SLC44A1: variants seen among roughly 807,000 people sequenced by gnomAD.
SLC44A1 encodes the protein choline transporter-like protein 1.
SLC44A1 carries 26 observed loss-of-function variants against 79.3 expected under a neutral mutation model. The observed-to-expected ratio is 0.33, with a 90% confidence interval of 0.24 to 0.46. SLC44A1 has a LOEUF of 0.46. Ranked by LOEUF, SLC44A1 falls within the 20% of genes least tolerant of loss-of-function variation. The pLI, the probability that SLC44A1 is intolerant of heterozygous loss-of-function variation, is 1.00. For missense variants in SLC44A1, 688 were observed against 798.1 expected, an observed-to-expected ratio of 0.86 and a Z score of 1.66; for synonymous variants, 263 against 286.2, an observed-to-expected ratio of 0.92 and a Z score of 0.82.
At chr9:105,436,126 C>T (rs576895724) in intron 15 of SLC44A1, among the ~76,000 whole-genome samples, 11 of 152,210 alleles carry the variant, frequency 7.2e-5, no homozygotes, top group South Asian at 6.2e-4. Context: ...GGAACCCAGG[C>T]GGCAGAGGCT....
At position 105,265,248 on chromosome 9, in the gene SLC44A1, C is replaced by T. The variant is rs188352442; in HGVS notation, c.36+20344C>T. On this transcript the variant is annotated intron_variant, in intron 1 of 15. Transcript: ENST00000374720. ...CTTATGGAGCCACCACCACCAGTAGCAAGATACAGAACAGTTCTCACTTCC... is the reference window on the plus strand; with the variant it reads ...CTTATGGAGCCACCACCACCAGTAGTAAGATACAGAACAGTTCTCACTTCC... Among the ~76,000 whole-genome samples the T allele has an allele frequency of 5.3e-3, 802 of 152,340 alleles. 6 individuals are homozygous for T. The highest frequency in any genetic ancestry group is 0.019 in the African/African-American group (776 of 41,570).
chr9:105,246,281 G>A (rs1829445278), intron 1 of SLC44A1, among the ~76,000 whole-genome samples: 1 of 151,968 alleles, frequency 6.6e-6, no homozygotes, highest in Non-Finnish European at 1.5e-5. Flanking sequence ...GAAAATCTGA[G>A]ATCTGTTAGA....
At chr9:105,430,259 T>A (rs1214396525) in intron 15 of SLC44A1, among the ~76,000 whole-genome samples, 1 of 152,204 alleles carries the variant, frequency 6.6e-6, no homozygotes, top group East Asian at 1.9e-4. Context: ...TTATTTTCTT[T>A]CTCTTTTTTA....
chr9:105,371,612 GGGAGGCT>G (rs2131433797), intron 12 of SLC44A1, among the ~76,000 whole-genome samples: 1 of 151,722 alleles, frequency 6.6e-6, no homozygotes, highest in Non-Finnish European at 1.5e-5. Flanking sequence ...CCAGCTACTC[GGGAGGCT>G]GAGGCAGGAG....
intron 15 of SLC44A1, among the ~76,000 whole-genome samples, chr9:105,429,794 T>A (rs1490700437): frequency 1.3e-5 from 2 of 149,674 alleles, no homozygotes; most frequent in Admixed American, 1.3e-4. Context: ...TTAGGAACCA[T>A]TTCAAGGTAT....
At chr9:105,244,982 G>A in intron 1 of SLC44A1, 78 bp downstream of exon 1, 1 of 477,340 alleles carries the variant, frequency 2.1e-6, no homozygotes, top group Non-Finnish European at 2.7e-6. Flanking sequence ...CCCGCCGCCC[G>A]ATACCTCTCG....
At chr9:105,369,503 C>G (rs1256437132) in intron 12 of SLC44A1, among the ~76,000 whole-genome samples, 2 of 152,144 alleles carry the variant, frequency 1.3e-5, no homozygotes, top group African/African-American at 4.8e-5. Flanking sequence ...ATACCATTAC[C>G]TTGCTGACTA....
intron 15 of SLC44A1, among the ~76,000 whole-genome samples, chr9:105,437,489 TAC>T (rs1829479392): frequency 6.6e-6 from 1 of 152,086 alleles, no homozygotes; most frequent in Admixed American, 6.6e-5. Context: ...TCTATATATA[TAC>T]ACACACATAT....
chr9:105,383,475 A>G lies in SLC44A1; in HGVS notation c.1869+116A>G. 4.5e-6 allele frequency: 3 copies of G among 667,392 alleles called. No individual in the cohort carries two copies. The South Asian group carries it at 5.6e-5, about 12-fold the overall frequency. The allele number at this position is 667,392 out of a possible 1,614,324, so 41.3% of individuals were successfully genotyped here. On this transcript the variant is annotated intron_variant, in intron 14 of 15. Coordinates refer to ENST00000374720, the MANE Select transcript of SLC44A1 (RefSeq NM_080546.5). ...TATGCAACTGAGTAATTTAGAATTA[A>G]CCCCATAGCACTGACTCATAAATGA...
At position 105,365,672 on chromosome 9, in the gene SLC44A1, G is replaced by A. The variant is rs766597434; in HGVS notation, c.1410+33G>A. 11 of 1,593,758 alleles carry A rather than the reference G, an allele frequency of 6.9e-6. No homozygotes were observed. In the East Asian group the frequency reaches 2.2e-4, roughly 32 times the overall value. On this transcript the variant is annotated intron_variant, in intron 11 of 15. Transcript: ENST00000374720. Reference sequence around the variant, plus strand: ...GAAAATGCATTTCTGTACTTTCTGTGGGCACATTCCAGACCTCAGTTCTGC... The same window carrying A: ...GAAAATGCATTTCTGTACTTTCTGTAGGCACATTCCAGACCTCAGTTCTGC...
chr9:105,254,116 C>T (rs888871563), intron 1 of SLC44A1, among the ~76,000 whole-genome samples: 7 of 152,174 alleles, frequency 4.6e-5, no homozygotes, highest in Non-Finnish European at 7.3e-5. Context: ...TTGATTATCT[C>T]CTATAGGTCA....
chr9:105,382,929 TTTATA>T (rs1224887258), intron 13 of SLC44A1, among the ~76,000 whole-genome samples, 189 bp from the exon 14 acceptor site: 1 of 152,218 alleles, frequency 6.6e-6, no homozygotes, highest in Non-Finnish European at 1.5e-5. Context: ...GATTTTAAAA[TTTATA>T]TTATATGATA....
intron 1 of SLC44A1, among the ~76,000 whole-genome samples, chr9:105,280,431 G>A (rs2131251796): frequency 6.6e-6 from 1 of 152,308 alleles, no homozygotes; most frequent in Admixed American, 6.5e-5. Context: ...TCAAAAAGAT[G>A]TTAGTTGCTA....
intron 7 of SLC44A1, among the ~76,000 whole-genome samples, chr9:105,359,143 C>T (rs1183022500): frequency 6.6e-6 from 1 of 152,100 alleles, no homozygotes; most frequent in Non-Finnish European, 1.5e-5. Flanking sequence ...GCCTTAAAAA[C>T]TTTTATAATT....
At chr9:105,260,926 A>G (rs1829824692) in intron 1 of SLC44A1, among the ~76,000 whole-genome samples, 1 of 152,212 alleles carries the variant, frequency 6.6e-6, no homozygotes, top group East Asian at 1.9e-4. Context: ...CAAATAATAG[A>G]TCCTCAATAA....
At chr9:105,368,864 C>T (rs1242459248) in intron 12 of SLC44A1, among the ~76,000 whole-genome samples, 2 of 151,950 alleles carry the variant, frequency 1.3e-5, no homozygotes, top group African/African-American at 2.4e-5. Flanking sequence ...ATGGTGAAAC[C>T]CCATCTCTAC....
intron 4 of SLC44A1, among the ~76,000 whole-genome samples, chr9:105,341,331 G>A (rs1380318914): frequency 3.1e-5 from 4 of 128,112 alleles, no homozygotes; most frequent in East Asian, 2.1e-4. Flanking sequence ...ACGAAACTTC[G>A]TCTCAAAAAA....
At chr9:105,388,913 A>T (rs762866877) in intron 15 of SLC44A1, 120 bp from the exon 16 acceptor site, 2 of 743,956 alleles carry the variant, frequency 2.7e-6, no homozygotes, top group Non-Finnish European at 4.9e-6. Flanking sequence ...GGGGAGAAGG[A>T]TTCTCAGTCC....
In SLC44A1 at chr9:105,244,867, C is replaced by CCATGGGCTGCTGCAGCTCCGCCT; in HGVS notation, c.1_23dup. ...CCGCCTCCGGGCTCCTTCGGCCCCG[C>CCATGGGCTGCTGCAGCTCCGCCT]CATGGGCTGCTGCAGCTCCGCCTCC... On this transcript the variant is annotated 5_prime_UTR_variant, in exon 1 of 16. It adds an upstream start codon to the 5' untranslated region. Coordinates refer to ENST00000374720, the MANE Select transcript of SLC44A1 (RefSeq NM_080546.5). 1 of 1,155,432 alleles carries CCATGGGCTGCTGCAGCTCCGCCT rather than the reference C, an allele frequency of 8.7e-7. No homozygotes were observed. The highest frequency in any genetic ancestry group is 1.1e-6 in the Non-Finnish European group (1 of 940,464). The allele number at this position is 1,155,432 out of a possible 1,614,324, so 71.6% of individuals were successfully genotyped here. A position where few individuals can be genotyped will look rare whatever the true frequency, so the allele number is the denominator to read the frequency against.
Sources: gnomAD v4.1 joint callset for allele counts (sites outside exome capture counted in the v4.1 genomes callset) on GRCh38, gnomAD v4.1.1 for gene constraint, MANE v1.5 for transcripts, NCBI Gene and HGNC (gene_info 2026-07-23, HGNC 2026-07-21) for gene names.